The following G3BP2 variants were observed in gnomAD, a reference collection of about 807,000 sequenced individuals.
G3BP2 encodes the protein ras GTPase-activating protein-binding protein 2.
A neutral mutation model predicts 56.7 loss-of-function variants in G3BP2; 11 were observed. The observed-to-expected ratio is 0.19, with a 90% CI of 0.12 to 0.32. The LOEUF is 0.32. Ranked by LOEUF, G3BP2 falls within the 10% of genes least tolerant of loss-of-function variation. The pLI, the probability that G3BP2 is intolerant of heterozygous loss-of-function variation, is 1.00. For synonymous variants in G3BP2, 165 were observed against 191.6 expected (o/e 0.86, Z 1.15); for missense variants, 340 against 610.9 (o/e 0.56, Z 4.67).
chr4:75,715,468 C>T (rs1719896106), intron 3 of G3BP2, among the ~76,000 whole-genome samples: 1 of 152,186 alleles, frequency 6.6e-6, no homozygotes, highest in Non-Finnish European at 1.5e-5. Flanking sequence ...CTCATGTCCC[C>T]ATCAAAGGGG....
intron 3 of G3BP2, among the ~76,000 whole-genome samples, chr4:75,715,469 A>C (rs1719896199): frequency 6.6e-6 from 1 of 152,158 alleles, no homozygotes; most frequent in Non-Finnish European, 1.5e-5. Context: ...TCATGTCCCC[A>C]TCAAAGGGGC....
At position 75,645,319 on chromosome 4, in the gene G3BP2, A is replaced by G. The variant is rs979301046; in HGVS notation, c.*111T>C. 10 of 977,784 alleles carry G rather than the reference A, an allele frequency of 1.0e-5. No homozygotes were observed. In the Admixed American group the frequency reaches 1.9e-4, roughly 18 times the overall value. The allele number at this position is 977,784 out of a possible 1,614,324, so 60.6% of individuals were successfully genotyped here. ...ATAACCAAAGATGCTTTTCACATCA[A>G]AGAAATGATCAAAAAGGCTGTGTCA... On this transcript the variant is annotated 3_prime_UTR_variant, in exon 12 of 12. Transcript: ENST00000359707.
chr4:75,661,648 C>T, intron 2 of G3BP2: 2 of 218,032 alleles, frequency 9.2e-6, no homozygotes, highest in South Asian at 7.3e-5. Flanking sequence ...ACAGAGGAGA[C>T]CATGACTCTA....
At chr4:75,657,774 C>A in intron 3 of G3BP2, 44 bp from the exon 4 acceptor site, 1 of 1,168,988 alleles carries the variant, frequency 8.6e-7, no homozygotes. Flanking sequence ...TGTGATACTG[C>A]ATTACCTACA....
chr4:75,688,712 T>C lies in G3BP2; in HGVS notation c.-24-26663A>G, dbSNP rs558328531. Among the ~76,000 whole-genome samples, 4 of 152,294 alleles carry C rather than the reference T, an allele frequency of 2.6e-5. No individual in the cohort carries two copies. The South Asian group carries it at 6.2e-4, about 24-fold the overall frequency. The stretch of plus-strand genomic sequence containing the variant: ...AAGGGCAAAAACCTTGGATGATCCA[T>C]AAAAAGAAATTCCACAGGGAACAGA... On this transcript the variant is annotated intron_variant, in intron 3 of 3. Coordinates refer to the G3BP2 transcript ENST00000499709.
chr4:75,647,257 T>C (rs1314428504), intron 9 of G3BP2, 100 bp from the exon 10 acceptor site: 3 of 784,886 alleles, frequency 3.8e-6, no homozygotes, highest in East Asian at 5.6e-5. Flanking sequence ...ATTCCTGTTT[T>C]AGTTTAATAA....
intron 3 of G3BP2, among the ~76,000 whole-genome samples, chr4:75,693,846 G>A (rs541197130): frequency 6.7e-6 from 1 of 149,048 alleles, no homozygotes; most frequent in Admixed American, 6.7e-5. Context: ...GCAATCCTCA[G>A]GCCTTAGCCT....
chr4:75,673,404 C>A lies in G3BP2; in HGVS notation c.-221G>T. On this transcript the variant is annotated 5_prime_UTR_variant, in exon 1 of 12. Coordinates refer to ENST00000359707, the MANE Select transcript of G3BP2 (RefSeq NM_203505.3). ...AGGCGCTGCGACGTGCGACAAGGAC[C>A]ACGGACGTCCCGCCCCCTTTGCCAC... 1 of 1,232,322 alleles carries A rather than the reference C, an allele frequency of 8.1e-7. No homozygotes were observed. The highest frequency in any genetic ancestry group is 1.0e-6 in the Non-Finnish European group (1 of 988,070). The allele number at this position is 1,232,322 out of a possible 1,614,324, so 76.3% of individuals were successfully genotyped here. A position where few individuals can be genotyped will look rare whatever the true frequency, so the allele number is the denominator to read the frequency against.
chr4:75,694,395 A>C (rs751039437), intron 3 of G3BP2, among the ~76,000 whole-genome samples: 1 of 152,194 alleles, frequency 6.6e-6, no homozygotes, highest in Admixed American at 6.5e-5. Flanking sequence ...AGGTGAGAAG[A>C]TTGAGACCAT....
rs543843434 is a variant in G3BP2, at chr4:75,709,754, C to CT, written c.-25+11122dup. Among the ~76,000 whole-genome samples, 79 of 152,176 alleles carry CT rather than the reference C, an allele frequency of 5.2e-4. 1 individual carries two copies. In the South Asian group the frequency reaches 0.015, roughly 30 times the overall value. ...CTCATTATGTTGCCCAGGCTGGACT[C>CT]TAACTCCTGGGCTCAAGGGATCCTT... On this transcript the variant is annotated intron_variant, in intron 3 of 3. Coordinates refer to the G3BP2 transcript ENST00000499709.
chr4:75,678,969 C>T (rs1397752368), intron 3 of G3BP2, among the ~76,000 whole-genome samples: 1 of 152,138 alleles, frequency 6.6e-6, no homozygotes, highest in Non-Finnish European at 1.5e-5. Flanking sequence ...CGCAGACTGC[C>T]CACTGCTTTG....
At chr4:75,708,221 C>G (rs1345430579) in intron 3 of G3BP2, among the ~76,000 whole-genome samples, 5 of 152,162 alleles carry the variant, frequency 3.3e-5, no homozygotes, top group Admixed American at 1.3e-4. Flanking sequence ...GGTGAATACC[C>G]TTCTTCCCCA....
Position 75,654,032 on chromosome 4 carries a change from G to T in G3BP2, c.776C>A (p.Thr259Asn). 6.2e-7 allele frequency: 1 copy of T among 1,601,684 alleles called. No individual in the cohort carries two copies. Among genetic ancestry groups the T allele is most frequent in the African/African-American group, 1.3e-5 (1 of 74,760 alleles). ...GGGTGGAATTCCAGAGGAAGAAACA[G>T]TACCACTAGGAGGCAGGTTTTTACT... The part of the protein sequence containing the change: ...VTSKNLPPSG[T>N]VSSSGIPPHV... The change falls in exon 8 of 12, where the codon ACT (threonine) becomes AAT (asparagine). Residue 259 changes from threonine to asparagine, a missense_variant. Around this residue, in one of 4 missense-constraint regions of G3BP2, gnomAD observed 224 missense variants for 332.5 expected, o/e 0.67. Coordinates refer to ENST00000359707, the MANE Select transcript of G3BP2 (RefSeq NM_203505.3).
At chr4:75,702,993 G>A (rs568845102) in intron 3 of G3BP2, among the ~76,000 whole-genome samples, 9 of 152,282 alleles carry the variant, frequency 5.9e-5, no homozygotes, top group Admixed American at 2.0e-4. Flanking sequence ...GGGAGGAGTC[G>A]AGGCTCCTAA....
rs1182897190 is a variant in G3BP2, at chr4:75,655,801, G to C, written c.512C>G (p.Ala171Gly). 2.5e-6 allele frequency: 4 copies of C among 1,598,134 alleles called. No individual in the cohort carries two copies. Among genetic ancestry groups the C allele is most frequent in the Non-Finnish European group, 2.6e-6 (3 of 1,165,686 alleles). ...GTGAGCTTCATAGTAACCACTGTTA[G>C]CATTTTCTTGCACAGGTTCAGGAGA... ...QPSPEPVQEN[A>G]NSGYYEAHPV... The change falls in exon 6 of 12, where the codon GCT (alanine) becomes GGT (glycine). Residue 171 changes from alanine to glycine, a missense_variant. Around this residue, in one of 4 missense-constraint regions of G3BP2, gnomAD observed 224 missense variants for 332.5 expected, o/e 0.67. Coordinates refer to ENST00000359707, the MANE Select transcript of G3BP2 (RefSeq NM_203505.3).
intron 8 of G3BP2, 88 bp from the exon 9 acceptor site, chr4:75,648,829 C>T (rs1185283261): frequency 2.9e-6 from 2 of 700,118 alleles, no homozygotes; most frequent in African/African-American, 1.8e-5. Flanking sequence ...CACTAGCAGA[C>T]ATAACAGTAG....
chr4:75,702,317 T>C (rs1409423577), intron 3 of G3BP2, among the ~76,000 whole-genome samples: 3 of 152,114 alleles, frequency 2.0e-5, no homozygotes, highest in Non-Finnish European at 4.4e-5. Context: ...CTAATTCTTA[T>C]ATTTTTTGTA....
At chr4:75,669,562 T>C (rs1733320594) in intron 1 of G3BP2, among the ~76,000 whole-genome samples, 1 of 152,218 alleles carries the variant, frequency 6.6e-6, no homozygotes, top group African/African-American at 2.4e-5. Context: ...AGAAATCCAG[T>C]CTGACATTCA....
intron 8 of G3BP2, among the ~76,000 whole-genome samples, chr4:75,649,486 T>G (rs1010354210): frequency 6.6e-6 from 1 of 152,198 alleles, no homozygotes; most frequent in Non-Finnish European, 1.5e-5. Context: ...TCCCAAAAGT[T>G]TCTGCCAACT....
Sources: gnomAD v4.1 joint callset for allele counts (sites outside exome capture counted in the v4.1 genomes callset) on GRCh38, gnomAD v4.1.1 for gene constraint, gnomAD v4.1.1 regional missense constraint, MANE v1.5 for transcripts, NCBI Gene and HGNC (gene_info 2026-07-23, HGNC 2026-07-21) for gene names.